The following CNTN4 variants were observed in gnomAD, a reference collection of about 807,000 sequenced individuals.
The protein encoded by CNTN4 is contactin-4.
Under a neutral mutation model 122.5 loss-of-function variants are expected in CNTN4, and 77 were observed. The ratio of observed to expected loss-of-function variants is 0.63; its 90% CI spans 0.52 to 0.76. The LOEUF (loss-of-function observed/expected upper bound fraction) is 0.76, where lower values mean the gene tolerates loss of function less well. Among genes scored for constraint, CNTN4 ranks in the 30% least tolerant of loss-of-function variants. The pLI is 0.00. For synonymous variants in CNTN4, 512 were observed against 447.0 expected (o/e 1.15, Z -1.83); for missense variants, 1,256 against 1,259.1 (o/e 1.00, Z 0.04).
chr3:2,837,799 C>T (rs2093260874), intron 7 of CNTN4, among the ~76,000 whole-genome samples: 1 of 152,052 alleles, frequency 6.6e-6, no homozygotes, highest in African/African-American at 2.4e-5. Context: ...GTCAGTGGTC[C>T]GCAGCCTGCA....
chr3:2,781,758 T>C lies in CNTN4; in HGVS notation c.358+36061T>C, dbSNP rs12489796. On this transcript the variant is annotated intron_variant, in intron 6 of 24. Transcript: ENST00000418658. ...TTTTTTTTTTGAGACGGAGTGTCGC[T>C]CTGTCGCCCAGGCTGGAGGGCAGTA... 2.8e-3 allele frequency among the ~76,000 whole-genome samples: 364 copies of C among 129,078 alleles called. 9 individuals are homozygous for C. The highest frequency in any genetic ancestry group is 3.8e-3 in the Middle Eastern group (1 of 260). The allele number at this position is 129,078 out of a possible 152,430, so 84.7% of individuals were successfully genotyped here.
At chr3:2,935,848 AC>A (rs1324714893) in intron 13 of CNTN4, among the ~76,000 whole-genome samples, 1 of 152,194 alleles carries the variant, frequency 6.6e-6, no homozygotes, top group Non-Finnish European at 1.5e-5. Context: ...AGTAGAATAG[AC>A]ACTAATGTTC....
chr3:2,763,468 CAGA>C (rs1393256029), intron 6 of CNTN4, among the ~76,000 whole-genome samples: 1 of 152,130 alleles, frequency 6.6e-6, no homozygotes, highest in Non-Finnish European at 1.5e-5. Flanking sequence ...TTTTGCTGTG[CAGA>C]AGATCTTCAG....
intron 6 of CNTN4, among the ~76,000 whole-genome samples, chr3:2,788,560 GGCTAA>G (rs2091911721): frequency 6.6e-6 from 1 of 152,076 alleles, no homozygotes; most frequent in Non-Finnish European, 1.5e-5. Context: ...ACTATTATTT[GGCTAA>G]GTATTCTCCA....
chr3:2,376,451 G>A (rs1030038323), intron 3 of CNTN4, among the ~76,000 whole-genome samples: 2 of 152,122 alleles, frequency 1.3e-5, no homozygotes, highest in Non-Finnish European at 2.9e-5. Context: ...TTGGGCAGGA[G>A]CAGTCAGGAA....
intron 2 of CNTN4, among the ~76,000 whole-genome samples, chr3:2,120,351 T>TTATATATATATATATATATATATAAATA (rs1222126807): frequency 4.3e-5 from 2 of 45,978 alleles, no homozygotes; most frequent in Non-Finnish European, 4.8e-5. Context: ...GGCATTTAGG[T>TTATATATATATATATATATATATAAATA]TATATATATA....
chr3:2,592,117 G>C (rs950422451), intron 4 of CNTN4, among the ~76,000 whole-genome samples: 2 of 152,032 alleles, frequency 1.3e-5, no homozygotes, highest in Admixed American at 6.6e-5. Flanking sequence ...CTGGCCTCGA[G>C]CAGTCCTCCC....
chr3:2,421,642 T>C (rs2047622144), intron 3 of CNTN4, among the ~76,000 whole-genome samples: 1 of 152,192 alleles, frequency 6.6e-6, no homozygotes, highest in African/African-American at 2.4e-5. Flanking sequence ...CCTTTTCACA[T>C]CTTCACTGGG....
chr3:2,502,192 G>C (rs913163411), intron 3 of CNTN4, among the ~76,000 whole-genome samples: 2 of 152,082 alleles, frequency 1.3e-5, no homozygotes, highest in Middle Eastern at 3.2e-3. Flanking sequence ...TGAACATTTA[G>C]TGGGGAGCAT....
chr3:2,926,134 C>A (rs2094471258), intron 13 of CNTN4, among the ~76,000 whole-genome samples: 4 of 152,254 alleles, frequency 2.6e-5, no homozygotes, highest in Admixed American at 2.6e-4. Flanking sequence ...GTAAATAAGC[C>A]CATGTCTTAT....
At chr3:2,522,147 GTT>G (rs1491244829) in intron 3 of CNTN4, among the ~76,000 whole-genome samples, 2,298 of 14,154 alleles carry the variant, frequency 0.16, 22 homozygotes, top group African/African-American at 0.23. Context: ...TGCCTAAGCA[GTT>G]TGTGTGTGTG....
chr3:2,483,638 T>TGTTCTCATGATAGTGAGTGA (rs2076067487), intron 3 of CNTN4, among the ~76,000 whole-genome samples: 1 of 152,196 alleles, frequency 6.6e-6, no homozygotes, highest in Admixed American at 6.5e-5. Flanking sequence ...TCCCCAATGC[T>TGTTCTCATGATAGTGAGTGA]GTTCTCATGA....
chr3:2,108,909 A>G (rs930024665), intron 2 of CNTN4, among the ~76,000 whole-genome samples: 1 of 150,696 alleles, frequency 6.6e-6, no homozygotes, highest in Non-Finnish European at 1.5e-5. Flanking sequence ...ACTTTTAAGT[A>G]TCTCTTGCCT....
At chr3:2,186,640 G>A (rs1044153338) in intron 2 of CNTN4, among the ~76,000 whole-genome samples, 28 of 152,146 alleles carry the variant, frequency 1.8e-4, no homozygotes, top group Admixed American at 1.8e-3. Context: ...GTGTGAGATG[G>A]TATCTCATTG....
intron 3 of CNTN4, among the ~76,000 whole-genome samples, chr3:2,439,044 A>G (rs549637937): frequency 4.6e-5 from 7 of 152,236 alleles, no homozygotes; most frequent in Non-Finnish European, 7.3e-5. Flanking sequence ...CATACCTAGA[A>G]TCATGGGAAA....
Position 2,804,419 on chromosome 3 carries a change from T to C in CNTN4, c.359-15067T>C, listed in dbSNP as rs185221454. On this transcript the variant is annotated intron_variant, in intron 6 of 24. Transcript: ENST00000418658. ...CAATGTGTACTTGAGCAAATTATTT[T>C]GCTGTTCAGCAATCAGTTTCCTTAT... 2.8e-4 allele frequency among the ~76,000 whole-genome samples: 42 copies of C among 152,364 alleles called. No homozygotes were observed. In the East Asian group the frequency reaches 5.4e-3, roughly 20 times the overall value.
Position 2,866,742 on chromosome 3 carries a change from T to G in CNTN4, c.455-10T>G, listed in dbSNP as rs748448958. ...AGACATATTTGTAATGAAGATTTTT[T>G]TCCTTTCAGAGCTGAGTTATGCCTG... is the stretch of plus-strand genomic sequence containing the variant. On this transcript the variant is annotated splice_polypyrimidine_tract_variant and intron_variant, in intron 7 of 24. Transcript: ENST00000418658. 1.6e-5 allele frequency: 26 copies of G among 1,612,428 alleles called. No homozygotes were observed. The South Asian group carries it at 2.7e-4, about 17-fold the overall frequency.
At chr3:2,121,071 C>T (rs1279585182) in intron 2 of CNTN4, among the ~76,000 whole-genome samples, 1 of 145,286 alleles carries the variant, frequency 6.9e-6, no homozygotes, top group East Asian at 2.0e-4. Context: ...TTAATGACTT[C>T]CTTCCTCCCT....
intron 3 of CNTN4, among the ~76,000 whole-genome samples, chr3:2,542,215 G>C (rs1358112292): frequency 6.6e-6 from 1 of 152,126 alleles, no homozygotes; most frequent in Non-Finnish European, 1.5e-5. Context: ...AAGACTGACT[G>C]TGAAATAGCT....
Sources: gnomAD v4.1 joint callset for allele counts (sites outside exome capture counted in the v4.1 genomes callset) on GRCh38, gnomAD v4.1.1 for gene constraint, MANE v1.5 for transcripts, NCBI Gene and HGNC (gene_info 2026-07-23, HGNC 2026-07-21) for gene names.